Variants in POM121 observed in about 807,000 individuals in gnomAD.
POM121 encodes nuclear envelope pore membrane protein POM 121.
In POM121, 32 loss-of-function variants were observed where a neutral mutation model predicts 81.3. The ratio of observed to expected loss-of-function variants is 0.39; its 90% CI spans 0.30 to 0.53. POM121 has a LOEUF of 0.53. POM121 is among the 20% of genes least tolerant of loss of function. The pLI is 0.66. For synonymous variants in POM121, 514 were observed against 694.2 expected (o/e 0.74, Z 4.08); for missense variants, 1,138 against 1,614.6 (o/e 0.70, Z 5.06).
At chr7:72,892,540 A>G (rs1177653119) in intron 3 of POM121, among the ~76,000 whole-genome samples, 1 of 152,174 alleles carries the variant, frequency 6.6e-6, no homozygotes, top group Non-Finnish European at 1.5e-5. Flanking sequence ...ATTACAGTGG[A>G]TCCATCTTCC....
chr7:72,934,002 TA>T (rs1796272012), intron 5 of POM121, among the ~76,000 whole-genome samples: 1 of 152,178 alleles, frequency 6.6e-6, no homozygotes, highest in Admixed American at 6.5e-5. Flanking sequence ...TTAATATGCA[TA>T]AAATAATTCT....
chr7:72,931,554 A>T (rs117453177), intron 5 of POM121, among the ~76,000 whole-genome samples: 5,599 of 150,224 alleles, frequency 0.037, 153 homozygotes, highest in Non-Finnish European at 0.054. Flanking sequence ...AATTACTTTG[A>T]TCCTAGTAAC....
chr7:72,916,065 G>A (rs1554495037), intron 4 of POM121, among the ~76,000 whole-genome samples: 1 of 152,144 alleles, frequency 6.6e-6, no homozygotes, highest in East Asian at 1.9e-4. Context: ...ACAAGATCTG[G>A]ACCTGACCTT....
rs529627488 is a variant in POM121, at chr7:72,926,351, T to G, written c.734T>G (p.Leu245Arg). The change falls in exon 2 of 13, where the codon CTT becomes CGT. Residue 245 changes from leucine to arginine, a missense_variant. By Grantham distance (102) the Leu-to-Arg change is moderately radical (BLOSUM62 -2). Transcript: ENST00000434423. ...HQAQYSCLGV[L>R]PTVCWNGYHK... ...GCCCAGTATTCCTGTCTGGGGGTAC[T>G]TCCCACCGTGTGCTGGAATGGTTAT... is the stretch of plus-strand genomic sequence containing the variant. 2.5e-6 allele frequency: 4 copies of G among 1,613,742 alleles called. No individual in the cohort carries two copies. Among genetic ancestry groups the G allele is most frequent in the Admixed American group, 1.7e-5 (1 of 59,978 alleles).
In POM121 at chr7:72,904,650, T is replaced by G. The variant is rs180928351; in HGVS notation, c.-215-9115T>G. ...GGCAAGGGCAAGTAAAAAAACCCAG[T>G]TTTCCTACCATTTTGAAGTTGCTTT... On this transcript the variant is annotated intron_variant, in intron 3 of 15. Coordinates refer to the POM121 transcript ENST00000395270. Among the ~76,000 whole-genome samples the G allele has an allele frequency of 4.1e-3, 625 of 152,324 alleles. 2 individuals carry two copies. The highest frequency in any genetic ancestry group is 7.0e-3 in the Non-Finnish European group (476 of 68,020).
At chr7:72,881,240 T>A (rs1479129488) in intron 1 of POM121, among the ~76,000 whole-genome samples, 1 of 151,864 alleles carries the variant, frequency 6.6e-6, no homozygotes, top group Non-Finnish European at 1.5e-5. Flanking sequence ...AATTTTTTTG[T>A]TATTTTTAAG....
chr7:72,882,374 T>C (rs1440368131), intron 1 of POM121, among the ~76,000 whole-genome samples: 3 of 152,198 alleles, frequency 2.0e-5, no homozygotes, highest in African/African-American at 7.2e-5. Context: ...ACCGAAACCA[T>C]ATCACCATCC....
chr7:72,926,293 A>G lies in POM121; in HGVS notation c.676A>G (p.Ile226Val). 4.4e-6 allele frequency: 7 copies of G among 1,576,696 alleles called. No individual in the cohort carries two copies. Among genetic ancestry groups the G allele is most frequent in the Non-Finnish European group, 6.0e-6 (7 of 1,160,600 alleles). The change falls in exon 2 of 13, where the codon ATA becomes GTA. Residue 226 changes from isoleucine to valine, a missense_variant. Physicochemically the swap from Ile to Val is conservative, Grantham distance 29. Transcript: ENST00000434423. ...DCGTLPNRFVITPRRRYPIHQ... is the reference protein window; with the variant it reads ...DCGTLPNRFVVTPRRRYPIHQ... ...TGGGACTTTACCAAATCGGTTTGTAATAACACCTAGAAGACGCTATCCGAT... is the reference window on the plus strand; with the variant it reads ...TGGGACTTTACCAAATCGGTTTGTAGTAACACCTAGAAGACGCTATCCGAT...
intron 5 of POM121, among the ~76,000 whole-genome samples, chr7:72,936,198 T>G (rs1403104752): frequency 1.3e-5 from 2 of 152,178 alleles, no homozygotes; most frequent in African/African-American, 4.8e-5. Context: ...TTTTTCTTTA[T>G]TTTTTCTTGG....
At chr7:72,927,010 T>A (rs1554497676) in intron 3 of POM121, 47 bp downstream of exon 3, 1 of 1,613,616 alleles carries the variant, frequency 6.2e-7, no homozygotes, top group Admixed American at 1.7e-5. Context: ...CTTGGACTCC[T>A]ATGGGATGAG....
At chr7:72,905,871 G>GT (rs1185704765) in intron 3 of POM121, among the ~76,000 whole-genome samples, 1 of 152,000 alleles carries the variant, frequency 6.6e-6, no homozygotes, top group Admixed American at 6.6e-5. Context: ...TTTCTTTGCT[G>GT]TTTTTTTCCT....
At chr7:72,930,911 T>C (rs1234832560) in intron 5 of POM121, among the ~76,000 whole-genome samples, 2 of 152,164 alleles carry the variant, frequency 1.3e-5, no homozygotes, top group African/African-American at 2.4e-5. Context: ...CTCTTTTTCT[T>C]ATCTCTGAAG....
chr7:72,899,575 A>ATTTTTT (rs10709124), intron 3 of POM121, among the ~76,000 whole-genome samples: 1 of 121,452 alleles, frequency 8.2e-6, no homozygotes. Flanking sequence ...TTGATATTAC[A>ATTTTTT]TTTTTTTTTT....
chr7:72,930,117 A>C lies in POM121; in HGVS notation c.1275+6A>C. ...CCACTCGAGGCATCTCACAGGTACAAGTACAGCTCTTTTAATGTGGGGGAC... is the reference window on the plus strand; with the variant it reads ...CCACTCGAGGCATCTCACAGGTACACGTACAGCTCTTTTAATGTGGGGGAC... On this transcript the variant is annotated splice_donor_region_variant and intron_variant, in intron 5 of 12. Coordinates refer to ENST00000434423, the MANE Select transcript of POM121 (RefSeq NM_001387691.1). 2.5e-6 allele frequency: 4 copies of C among 1,597,206 alleles called. No individual in the cohort carries two copies. The highest frequency in any genetic ancestry group is 2.6e-6 in the Non-Finnish European group (3 of 1,168,298).
intron 3 of POM121, among the ~76,000 whole-genome samples, chr7:72,897,678 A>G (rs1266353322): frequency 3.9e-5 from 6 of 152,146 alleles, no homozygotes; most frequent in Non-Finnish European, 8.8e-5. Flanking sequence ...AGAGGTATGG[A>G]TGAGAGAGGC....
chr7:72,896,828 A>G (rs1465745930), intron 3 of POM121, among the ~76,000 whole-genome samples: 2 of 152,264 alleles, frequency 1.3e-5, no homozygotes, highest in Admixed American at 6.5e-5. Flanking sequence ...ATCATTAACT[A>G]TTTGCCTGCC....
chr7:72,933,774 TTAA>T (rs1796247625), intron 5 of POM121, among the ~76,000 whole-genome samples: 1 of 152,282 alleles, frequency 6.6e-6, no homozygotes, highest in African/African-American at 2.4e-5. Flanking sequence ...TAACATTGTT[TTAA>T]TAATAGCAGC....
intron 1 of POM121, among the ~76,000 whole-genome samples, chr7:72,881,459 C>T (rs1554489290): frequency 6.0e-5 from 9 of 150,434 alleles, no homozygotes. Context: ...GGCCGGAGCC[C>T]TCATGACTTC....
upstream of POM121, chr7:72,924,645 C>G (rs1347033149): frequency 1.1e-4 from 17 of 161,522 alleles, no homozygotes; most frequent in Non-Finnish European, 2.0e-4. Flanking sequence ...ATAAGTCGAT[C>G]ACAGAGCCAC....
Sources: allele counts gnomAD v4.1 joint callset (sites outside exome capture counted in the v4.1 genomes callset), GRCh38; gene constraint gnomAD v4.1.1; transcripts MANE v1.5; gene names NCBI Gene and HGNC (gene_info 2026-07-23, HGNC 2026-07-21).